COG8: variants seen among roughly 807,000 people sequenced by gnomAD.
The protein encoded by COG8 is component of oligomeric golgi complex 8.
In COG8, 45 loss-of-function variants were observed where a neutral mutation model predicts 46.5. That is an observed-to-expected ratio of 0.97 (90% CI 0.76 to 1.24). The LOEUF is 1.24. Among genes scored for constraint, COG8 ranks in the 50% most tolerant of loss-of-function variants. The pLI, the probability that COG8 is intolerant of heterozygous loss-of-function variation, is 0.00. For missense variants in COG8, 793 were observed against 820.8 expected, an observed-to-expected ratio of 0.97 and a Z score of 0.41; for synonymous variants, 407 against 347.8, an observed-to-expected ratio of 1.17 and a Z score of -1.90.
intron 5 of COG8, 29 bp downstream of exon 5, chr16:69,330,784 G>T: frequency 6.7e-7 from 1 of 1,502,232 alleles, no homozygotes; most frequent in East Asian, 2.5e-5. Flanking sequence ...AGGCAGTCCT[G>T]GCCACCCCGC....
In COG8 at chr16:69,328,408, G is replaced by C. The variant is rs376297668; in HGVS notation, c.*798C>G. On this transcript the variant is annotated 3_prime_UTR_variant, in exon 6 of 6. Coordinates refer to ENST00000306875, the MANE Select transcript of COG8 (RefSeq NM_032382.5). ...ACCCCTGCCCCCAGCCCTGATCCACGGCCTCTACCCCAAGAATGAGCCAAG... is the reference window on the plus strand; with the variant it reads ...ACCCCTGCCCCCAGCCCTGATCCACCGCCTCTACCCCAAGAATGAGCCAAG... 6.6e-6 allele frequency: 1 copy of C among 152,368 alleles called. No individual in the cohort carries two copies. The highest frequency in any genetic ancestry group is 6.5e-5 in the Admixed American group (1 of 15,276). The allele number at this position is 152,368 out of a possible 1,614,324, so 9.4% of individuals were successfully genotyped here.
Position 69,326,465 on chromosome 16 carries a change from A to G in COG8, c.*2741T>C, listed in dbSNP as rs1329301659. ...TTTTTAAATTTTTACTTCTAGTTAC[A>G]TTTACTTGAATCAGAACGTTGTTTC... On this transcript the variant is annotated 3_prime_UTR_variant, in exon 6 of 6. Transcript: ENST00000306875. 1.3e-5 allele frequency: 2 copies of G among 152,170 alleles called. No individual in the cohort carries two copies. Among genetic ancestry groups the G allele is most frequent in the African/African-American group, 4.8e-5 (2 of 41,432 alleles). The allele number at this position is 152,170 out of a possible 1,614,324, so 9.4% of individuals were successfully genotyped here.
At chr16:69,336,843 G>C (rs996426743) in intron 1 of COG8, 131 bp from the exon 2 acceptor site, 1 of 823,456 alleles carries the variant, frequency 1.2e-6, no homozygotes, top group African/African-American at 1.7e-5. Context: ...CCACCTATAA[G>C]GTAAGTATTA....
At chr16:69,336,311 C>G (rs1256297591) in intron 2 of COG8, among the ~76,000 whole-genome samples, 194 bp downstream of exon 2, 4 of 152,164 alleles carry the variant, frequency 2.6e-5, no homozygotes, top group Admixed American at 1.3e-4. Flanking sequence ...CACTGTATCC[C>G]CAGCATATAG....
At chr16:69,336,353 T>C (rs974921877) in intron 2 of COG8, 152 bp downstream of exon 2, 52 of 687,980 alleles carry the variant, frequency 7.6e-5, no homozygotes, top group South Asian at 7.2e-4. Flanking sequence ...AATATGTATT[T>C]TGAATAAATG....
intron 4 of COG8, 104 bp from the exon 5 acceptor site, chr16:69,331,199 G>T: frequency 7.7e-7 from 1 of 1,305,162 alleles, no homozygotes. Context: ...TGTAATCCCA[G>T]CACTTTGGGA....
At position 69,330,628 on chromosome 16, in the gene COG8, C is replaced by T. The variant is rs949574022; in HGVS notation, c.*26+185G>A. The T allele has an allele frequency of 3.6e-6, 5 of 1,406,214 alleles. No individual in the cohort carries two copies. The Admixed American group carries it at 1.0e-4, about 28-fold the overall frequency. The allele number at this position is 1,406,214 out of a possible 1,614,324, so 87.1% of individuals were successfully genotyped here. A position where few individuals can be genotyped will look rare whatever the true frequency, so the allele number is the denominator to read the frequency against. On this transcript the variant is annotated intron_variant, in intron 5 of 5. Coordinates refer to ENST00000306875, the MANE Select transcript of COG8 (RefSeq NM_032382.5). ...CTTCCGGCCGCAGCGCGGGGCACGCCGGGAAGCGCCGTCGGCCAGCACACA... is the reference window on the plus strand; with the variant it reads ...CTTCCGGCCGCAGCGCGGGGCACGCTGGGAAGCGCCGTCGGCCAGCACACA...
intron 2 of COG8, among the ~76,000 whole-genome samples, chr16:69,336,108 T>C (rs569063371): frequency 6.6e-6 from 1 of 152,298 alleles, no homozygotes; most frequent in East Asian, 1.9e-4. Context: ...CATTTAGGTC[T>C]CAGCTTAAAT....
intron 5 of COG8, chr16:69,330,433 G>C: frequency 2.7e-6 from 4 of 1,472,766 alleles, no homozygotes; most frequent in Non-Finnish European, 3.6e-6. Context: ...GCCAATAGGA[G>C]CGCCGCAGCG....
At position 69,335,315 on chromosome 16, in the gene COG8, G is replaced by C; in HGVS notation, c.619C>G (p.Leu207Val). Residue 207 changes from leucine to valine, a missense_variant, in exon 3 of 6, where the codon CTG becomes GTG. Leu to Val is a conservative substitution (Grantham distance 32). Transcript: ENST00000306875. ...IVNEVRQSMQ[L>V]MLSQLIQQLR... ...TGCTGGATCAGCTGGCTCAGCATCA[G>C]CTGCATGGACTGGCGCACTTCGTTC... is the stretch of plus-strand genomic sequence containing the variant. 1 of 1,608,444 alleles carries C rather than the reference G, an allele frequency of 6.2e-7. No homozygotes were observed. The highest frequency in any genetic ancestry group is 1.1e-5 in the South Asian group (1 of 90,684).
rs553051139 is a variant in COG8 at position 69,329,010 on chromosome 16, A to G, written c.*196T>C. 1.6e-5 allele frequency: 26 copies of G among 1,601,358 alleles called. No homozygotes were observed. The South Asian group carries it at 2.9e-4, about 18-fold the overall frequency. ...CTTGGTATCCGGAATCCTCAGCCCC[A>G]GTAGCAAAGCTTTAGTCATTCACCT... On this transcript the variant is annotated 3_prime_UTR_variant, in exon 6 of 6. Coordinates refer to ENST00000306875, the MANE Select transcript of COG8 (RefSeq NM_032382.5).
chr16:69,337,680 A>G (rs1257027043), intron 1 of COG8, among the ~76,000 whole-genome samples: 1 of 152,184 alleles, frequency 6.6e-6, no homozygotes, highest in African/African-American at 2.4e-5. Context: ...TTAATCATGA[A>G]AGGCTGGAAG....
chr16:69,332,630 A>C (rs1400554715), intron 4 of COG8, 84 bp downstream of exon 4: 9 of 1,293,972 alleles, frequency 7.0e-6, no homozygotes, highest in Non-Finnish European at 1.0e-5. Flanking sequence ...TTACTAAAAA[A>C]CACTGACTTA....
chr16:69,333,165 G>GGTTTTTT (rs1283785860), intron 3 of COG8, among the ~76,000 whole-genome samples: 1 of 144,272 alleles, frequency 6.9e-6, no homozygotes, highest in Admixed American at 6.8e-5. Flanking sequence ...ACATGGTTTT[G>GGTTTTTT]GTTTTTTTTT....
At position 69,338,028 on chromosome 16, in the gene COG8, A is replaced by T. The variant is rs200312371; in HGVS notation, c.377+1148T>A. Among the ~76,000 whole-genome samples, 12 of 151,760 alleles carry T rather than the reference A, an allele frequency of 7.9e-5. No individual in the cohort carries two copies. The East Asian group carries it at 2.3e-3, about 30-fold the overall frequency. On this transcript the variant is annotated intron_variant, in intron 1 of 5. Coordinates refer to ENST00000306875, the MANE Select transcript of COG8 (RefSeq NM_032382.5). ...ATTACAGGTGTGAGCCACCGCACCC[A>T]GCCTTTTTTTCTTTTTTTAAGAGAG...
At chr16:69,337,791 G>A (rs1044293540) in intron 1 of COG8, among the ~76,000 whole-genome samples, 1 of 151,624 alleles carries the variant, frequency 6.6e-6, no homozygotes, top group Non-Finnish European at 1.5e-5. Flanking sequence ...GAGTGCAGTG[G>A]CACGCATCAT....
intron 5 of COG8, 105 bp downstream of exon 5, chr16:69,330,708 C>T: frequency 7.1e-7 from 1 of 1,402,430 alleles, no homozygotes; most frequent in South Asian, 1.5e-5. Context: ...TGAGCACCGC[C>T]CCCTTCCGCT....
intron 4 of COG8, chr16:69,332,502 A>C: frequency 1.6e-6 from 1 of 630,364 alleles, no homozygotes; most frequent in Non-Finnish European, 2.8e-6. Flanking sequence ...AGAAGAGGCA[A>C]ATCTATGGCA....
chr16:69,339,374 C>G lies in COG8; in HGVS notation c.179G>C (p.Arg60Pro). Residue 60 changes from arginine to proline, a missense_variant, in exon 1 of 6, where the codon CGG (arginine) becomes CCG (proline). Physicochemically the swap from Arg to Pro is moderately radical, Grantham distance 103. Transcript: ENST00000306875. ...CAGGCGCTCGGGCTCGCGCCGCAGC[C>G]GCTCCAGCCCCGAGCCGCTCAACTC... is the stretch of plus-strand genomic sequence containing the variant. ...LRELSGSGLE[R>P]LRREPERLAE... The G allele has an allele frequency of 6.3e-7, 1 of 1,582,492 alleles. No homozygotes were observed. The highest frequency in any genetic ancestry group is 8.6e-7 in the Non-Finnish European group (1 of 1,169,062).
Sources: gnomAD v4.1 joint callset for allele counts (sites outside exome capture counted in the v4.1 genomes callset) on GRCh38, gnomAD v4.1.1 for gene constraint, MANE v1.5 for transcripts, NCBI Gene and HGNC (gene_info 2026-07-23, HGNC 2026-07-21) for gene names.